Variants in STK32C observed in about 807,000 individuals in gnomAD.
STK32C encodes serine/threonine-protein kinase 32C.
Under a neutral mutation model 56.5 loss-of-function variants are expected in STK32C, and 31 were observed. The observed-to-expected ratio is 0.55, with a 90% CI of 0.41 to 0.74. The LOEUF (loss-of-function observed/expected upper bound fraction) is 0.74. Ranked by LOEUF, STK32C falls within the 30% of genes least tolerant of loss-of-function variation. The pLI is 0.00. For synonymous variants in STK32C, 309 were observed against 289.4 expected, an observed-to-expected ratio of 1.07 and a Z score of -0.69; for missense variants, 544 against 676.9, an observed-to-expected ratio of 0.80 and a Z score of 2.18.
At chr10:132,269,752 C>T (rs996792786) in intron 1 of STK32C, among the ~76,000 whole-genome samples, 1 of 152,212 alleles carries the variant, frequency 6.6e-6, no homozygotes, top group African/African-American at 2.4e-5. Context: ...CCCCTTCAGC[C>T]CTGGCCTCCC....
intron 4 of STK32C, among the ~76,000 whole-genome samples, chr10:132,226,448 G>A (rs924684012): frequency 6.6e-6 from 1 of 152,122 alleles, no homozygotes; most frequent in African/African-American, 2.4e-5. Flanking sequence ...GATTCCCTGG[G>A]ATGTGGTGGA....
intron 1 of STK32C, among the ~76,000 whole-genome samples, chr10:132,305,857 C>A (rs1326468806): frequency 6.6e-6 from 1 of 152,196 alleles, no homozygotes; most frequent in African/African-American, 2.4e-5. Context: ...CACACAAAGC[C>A]CAGCTGAGTC....
chr10:132,225,737 C>T lies in STK32C; in HGVS notation c.682+10G>A, dbSNP rs754037302. Reference sequence around the variant, plus strand: ...ACCCACCTGGGCTGCCCACACCCAACCCCACACACCTCTCTCATCCAGGAG... The same window carrying T: ...ACCCACCTGGGCTGCCCACACCCAATCCCACACACCTCTCTCATCCAGGAG... On this transcript the variant is annotated intron_variant, in intron 5 of 11. Transcript: ENST00000298630. 1.2e-5 allele frequency: 20 copies of T among 1,614,016 alleles called. No individual in the cohort carries two copies. Among genetic ancestry groups the T allele is most frequent in the South Asian group, 3.3e-5 (3 of 91,090 alleles).
intron 10 of STK32C, among the ~76,000 whole-genome samples, chr10:132,216,520 A>C (rs2062478229): frequency 6.6e-6 from 1 of 152,140 alleles, no homozygotes; most frequent in Non-Finnish European, 1.5e-5. Flanking sequence ...CTGAGGAGAA[A>C]TTTGCATAAG....
chr10:132,243,961 GCTGGGGCCC>G (rs2063596366), intron 2 of STK32C, among the ~76,000 whole-genome samples: 1 of 152,228 alleles, frequency 6.6e-6, no homozygotes, highest in African/African-American at 2.4e-5. Flanking sequence ...AACAGGGGTG[GCTGGGGCCC>G]CTGCTGCTGC....
chr10:132,249,113 G>T (rs936294734), intron 1 of STK32C: 1 of 465,950 alleles, frequency 2.1e-6, no homozygotes, highest in East Asian at 6.5e-5. Context: ...GCGCATGCGT[G>T]CCGGGGCGGG....
At chr10:132,228,937 C>T (rs555003395) in intron 2 of STK32C, among the ~76,000 whole-genome samples, 6 of 152,364 alleles carry the variant, frequency 3.9e-5, no homozygotes, top group Non-Finnish European at 8.8e-5. Flanking sequence ...CCCCACATAG[C>T]TCTTCAGGCC....
chr10:132,226,059 G>A (rs945613379), intron 4 of STK32C, among the ~76,000 whole-genome samples: 5 of 152,228 alleles, frequency 3.3e-5, no homozygotes, highest in African/African-American at 7.2e-5. Context: ...CCCAGAGGAC[G>A]AGAGCAATTG....
At chr10:132,217,270 G>A (rs1319068008) in intron 10 of STK32C, among the ~76,000 whole-genome samples, 2 of 152,238 alleles carry the variant, frequency 1.3e-5, no homozygotes. Flanking sequence ...AGATTTGACA[G>A]GCCTGCTGGA....
intron 10 of STK32C, 33 bp from the exon 11 acceptor site, chr10:132,209,134 G>C: frequency 6.3e-7 from 1 of 1,599,996 alleles, no homozygotes; most frequent in Non-Finnish European, 8.6e-7. Flanking sequence ...GAGCGTGGGG[G>C]ACGCTGTCCA....
chr10:132,319,375 T>G (rs1564802677), downstream of STK32C, among the ~76,000 whole-genome samples: 1 of 152,196 alleles, frequency 6.6e-6, no homozygotes, highest in Non-Finnish European at 1.5e-5. Flanking sequence ...TAAAGATAGG[T>G]GCATGAATAT....
At chr10:132,323,291 G>A (rs1453208209), downstream of STK32C, among the ~76,000 whole-genome samples, 1 of 152,192 alleles carries the variant, frequency 6.6e-6, no homozygotes, top group African/African-American at 2.4e-5. This position sits in a 1 kb window ranked among gnomAD's most constrained non-coding sequence, Gnocchi z 4.8. Flanking sequence ...CAGGAATCAT[G>A]ATTGTTACTG....
Position 132,207,707 on chromosome 10 carries a change from A to T in STK32C, c.*303T>A. On this transcript the variant is annotated 3_prime_UTR_variant, in exon 12 of 12. Transcript: ENST00000298630. ...GCCTCCGGGCTGAGCAGGGACAAAG[A>T]CTCCTGTCCCATCCATGGCCCCAGC... 2 of 288,326 alleles carry T rather than the reference A, an allele frequency of 6.9e-6. No individual in the cohort carries two copies. Among genetic ancestry groups the T allele is most frequent in the Non-Finnish European group, 1.3e-5 (2 of 157,194 alleles). The allele number at this position is 288,326 out of a possible 1,614,324, so 17.9% of individuals were successfully genotyped here.
At chr10:132,228,299 GC>G (rs2062969877) in intron 2 of STK32C, 171 bp from the exon 3 acceptor site, 3 of 728,086 alleles carry the variant, frequency 4.1e-6, no homozygotes, top group Non-Finnish European at 4.8e-6. Context: ...ATTCCTCTCT[GC>G]CACATATGGT....
intron 1 of STK32C, among the ~76,000 whole-genome samples, chr10:132,254,889 G>A (rs2064052250): frequency 6.6e-6 from 1 of 152,140 alleles, no homozygotes; most frequent in Non-Finnish European, 1.5e-5. Context: ...GGAAGTGGGT[G>A]CTGGACAGTT....
intron 1 of STK32C, among the ~76,000 whole-genome samples, chr10:132,260,859 C>T (rs2064279389): frequency 6.6e-6 from 1 of 152,228 alleles, no homozygotes; most frequent in African/African-American, 2.4e-5. Flanking sequence ...GTGCCAAGGC[C>T]CAGCAGGAGC....
At position 132,246,006 on chromosome 10, in the gene STK32C, C is replaced by G. The variant is rs368079804; in HGVS notation, c.263-51G>C. The stretch of plus-strand genomic sequence containing the variant: ...TGGTGAGGTGGCAGCAAGGCCCCAC[C>G]CCAGAGCAGCTCCCCCACCTCAACA... On this transcript the variant is annotated intron_variant, in intron 1 of 11. Coordinates refer to ENST00000298630, the MANE Select transcript of STK32C (RefSeq NM_173575.4). 10 of 1,556,392 alleles carry G rather than the reference C, an allele frequency of 6.4e-6. No homozygotes were observed. In the African/African-American group the frequency reaches 9.5e-5, roughly 15 times the overall value.
At chr10:132,221,372 A>G (rs1157970783) in intron 10 of STK32C, among the ~76,000 whole-genome samples, 90 of 85,318 alleles carry the variant, frequency 1.1e-3, no homozygotes, top group Middle Eastern at 0.023. Flanking sequence ...AGGGCTTCAC[A>G]TGGCCGTCCC....
At chr10:132,250,925 G>A (rs927634145) in intron 1 of STK32C, among the ~76,000 whole-genome samples, 7 of 152,170 alleles carry the variant, frequency 4.6e-5, no homozygotes, top group Non-Finnish European at 8.8e-5. Context: ...CCACCTCCAC[G>A]CCCACCTCCT....
Sources: gnomAD v4.1 joint callset for allele counts (sites outside exome capture counted in the v4.1 genomes callset) on GRCh38, gnomAD v4.1.1 for gene constraint, Gnocchi (gnomAD v3.1) non-coding constraint, MANE v1.5 for transcripts, NCBI Gene and HGNC (gene_info 2026-07-23, HGNC 2026-07-21) for gene names.